The following GALNT8 variants were observed in gnomAD, a reference collection of about 807,000 sequenced individuals.
GALNT8 encodes polypeptide N-acetylgalactosaminyltransferase 8.
A neutral mutation model predicts 62.7 loss-of-function variants in GALNT8; 66 were observed. That is an observed-to-expected ratio of 1.05 (90% CI 0.86 to 1.29). The LOEUF is 1.29. Among genes scored for constraint, GALNT8 ranks in the 50% most tolerant of loss-of-function variants. The pLI is 0.00. For synonymous variants in GALNT8, 288 were observed against 294.3 expected (o/e 0.98, Z 0.22); for missense variants, 771 against 791.8 (o/e 0.97, Z 0.32).
rs536765773 is a variant in GALNT8, at chr12:4,767,875, G to A, written c.1761+2329G>A. Among the ~76,000 whole-genome samples, 17 of 152,312 alleles carry A rather than the reference G, an allele frequency of 1.1e-4. No homozygotes were observed. In the East Asian group the frequency reaches 3.3e-3, roughly 29 times the overall value. ...TAAAGCATTTAGCATGGTACTCGGTGCAAAGGAGTGTTCAAAGAATCATGG... is the reference window on the plus strand; with the variant it reads ...TAAAGCATTTAGCATGGTACTCGGTACAAAGGAGTGTTCAAAGAATCATGG... On this transcript the variant is annotated intron_variant, in intron 10 of 10. Coordinates refer to ENST00000252318, the MANE Select transcript of GALNT8 (RefSeq NM_017417.2).
chr12:4,739,260 A>G lies in GALNT8; in HGVS notation c.607A>G (p.Ser203Gly), dbSNP rs369783290. The G allele has an allele frequency of 1.9e-4, 312 of 1,613,676 alleles. 1 individual carries two copies. In the South Asian group the frequency reaches 3.3e-3, roughly 17 times the overall value. Residue 203 changes from serine to glycine, a missense_variant, in exon 3 of 11, where the codon AGT becomes GGT. Transcript: ENST00000252318. ...ALSIIQRAIT[S>G]IINRTPSRLL... ...GTCCATTATACAACGGGCCATCACC[A>G]GTATCATCAACCGGACGCCCTCTCG...
At position 4,739,346 on chromosome 12, in the gene GALNT8, A is replaced by G. The variant is rs748404575; in HGVS notation, c.676+17A>G. ...GCTCAAATGGTGAGCAACGTGATCAAAGAATAATTGTAAAAATGACCACTT... is the reference window on the plus strand; with the variant it reads ...GCTCAAATGGTGAGCAACGTGATCAGAGAATAATTGTAAAAATGACCACTT... On this transcript the variant is annotated intron_variant, in intron 3 of 10. Coordinates refer to ENST00000252318, the MANE Select transcript of GALNT8 (RefSeq NM_017417.2). 6.2e-7 allele frequency: 1 copy of G among 1,605,826 alleles called. No homozygotes were observed.
chr12:4,727,929 A>G (rs192158784), intron 2 of GALNT8, among the ~76,000 whole-genome samples: 5 of 152,314 alleles, frequency 3.3e-5, no homozygotes, highest in Non-Finnish European at 7.4e-5. Context: ...TTAGCCTTTC[A>G]AAGAACTGCC....
intron 10 of GALNT8, among the ~76,000 whole-genome samples, chr12:4,771,099 G>A (rs1217823462): frequency 6.6e-6 from 1 of 152,144 alleles, no homozygotes; most frequent in Admixed American, 6.5e-5. Flanking sequence ...TAGGAGTGTG[G>A]TGTTCTTGAC....
Position 4,760,943 on chromosome 12 carries a change from G to C in GALNT8, c.1174-15G>C. 1 of 1,606,990 alleles carries C rather than the reference G, an allele frequency of 6.2e-7. No homozygotes were observed. The highest frequency in any genetic ancestry group is 8.5e-7 in the Non-Finnish European group (1 of 1,176,448). On this transcript the variant is annotated splice_polypyrimidine_tract_variant and intron_variant, in intron 6 of 10. Transcript: ENST00000252318. ...GGCTGTGAAGCACGGGTGATTTTTT[G>C]GTCTTCTTCTGCAGGTGTGGCAGTG...
rs781249440 is a variant in GALNT8, at chr12:4,745,453, T to C, written c.885T>C (p.Ile295=). The C allele has an allele frequency of 3.1e-6, 5 of 1,612,632 alleles. No individual in the cohort carries two copies. The highest frequency in any genetic ancestry group is 4.2e-6 in the Non-Finnish European group (5 of 1,178,608). ...GGGCAGAGCCAATCTTGGCTCGGAT[T>C]CAGGAGGACCGCACTGTGATTGTGT... ...VGWAEPILAR[I]QEDRTVIVSP... is the part of the protein sequence containing the mutation. Residue 295 remains isoleucine (I), a synonymous_variant, in exon 5 of 11, where the codon ATT becomes ATC. Transcript: ENST00000252318.
intron 1 of GALNT8, among the ~76,000 whole-genome samples, chr12:4,721,216 T>C (rs1946166719): frequency 6.6e-6 from 1 of 152,160 alleles, no homozygotes; most frequent in African/African-American, 2.4e-5. Context: ...GCCATAGACC[T>C]GTCCTTAGGC....
chr12:4,727,989 T>C (rs1340322275), intron 2 of GALNT8, among the ~76,000 whole-genome samples: 1 of 152,200 alleles, frequency 6.6e-6, no homozygotes, highest in African/African-American at 2.4e-5. Context: ...TCAAGCAGTA[T>C]ATGAGAGTTC....
At chr12:4,740,505 C>G (rs1453518375) in intron 3 of GALNT8, among the ~76,000 whole-genome samples, 1 of 151,530 alleles carries the variant, frequency 6.6e-6, no homozygotes, top group Non-Finnish European at 1.5e-5. Context: ...CGCACTGCAG[C>G]CTCCACCTCC....
chr12:4,745,840 A>G (rs543684627), intron 5 of GALNT8, among the ~76,000 whole-genome samples: 1 of 152,332 alleles, frequency 6.6e-6, no homozygotes, highest in African/African-American at 2.4e-5. Flanking sequence ...ACTTTCAGAC[A>G]AAAATCAAGC....
At chr12:4,765,331 A>G (rs1591575481) in intron 9 of GALNT8, 48 bp from the exon 10 acceptor site, 1 of 1,459,240 alleles carries the variant, frequency 6.9e-7, no homozygotes, top group Non-Finnish European at 9.0e-7. Flanking sequence ...CTGGCTGACA[A>G]TGCCTATGGT....
intron 6 of GALNT8, among the ~76,000 whole-genome samples, chr12:4,746,501 A>G (rs529602041): frequency 8.3e-4 from 126 of 152,216 alleles, no homozygotes; most frequent in Non-Finnish European, 1.5e-3. Context: ...GATTGAATAG[A>G]TAGATGTCCC....
chr12:4,743,680 A>G (rs1946282359), intron 3 of GALNT8, among the ~76,000 whole-genome samples: 1 of 152,182 alleles, frequency 6.6e-6, no homozygotes, highest in South Asian at 2.1e-4. Flanking sequence ...TGACTTGGAA[A>G]AGTTTTTAAA....
chr12:4,724,148 C>CAAAA (rs11456593), intron 1 of GALNT8, among the ~76,000 whole-genome samples: 6 of 48,090 alleles, frequency 1.2e-4, no homozygotes, highest in Non-Finnish European at 1.4e-4. Flanking sequence ...GACTCCGTCT[C>CAAAA]AAAAAAAAAA....
chr12:4,758,678 T>G (rs73038851), intron 6 of GALNT8, among the ~76,000 whole-genome samples: 41 of 113,586 alleles, frequency 3.6e-4, no homozygotes, highest in African/African-American at 5.0e-4. Flanking sequence ...GAGAGAGAGA[T>G]GATGGAAGGA....
chr12:4,758,635 TGTGA>T lies in GALNT8; in HGVS notation c.1174-2321_1174-2318del, dbSNP rs58649745. On this transcript the variant is annotated intron_variant, in intron 6 of 10. Transcript: ENST00000252318. ...GTGTGTGTGTGTGTGTGTGTGTGTG[TGTGA>T]GAGAGAGAGAGAGAGAGAGAGAGAG... Among the ~76,000 whole-genome samples the T allele has an allele frequency of 3.3e-3, 156 of 47,318 alleles. No homozygotes were observed. The East Asian group carries it at 0.042, about 13-fold the overall frequency. The allele number at this position is 47,318 out of a possible 152,430, so 31.0% of individuals were successfully genotyped here.
chr12:4,736,717 C>G (rs1946246969), intron 2 of GALNT8, among the ~76,000 whole-genome samples: 1 of 151,902 alleles, frequency 6.6e-6, no homozygotes, highest in South Asian at 2.1e-4. Context: ...AACAACGAAG[C>G]AAATTACAAT....
At chr12:4,762,758 C>T (rs1946378639) in intron 7 of GALNT8, among the ~76,000 whole-genome samples, 1 of 152,246 alleles carries the variant, frequency 6.6e-6, no homozygotes, top group Admixed American at 6.5e-5. Flanking sequence ...TCCATACCCA[C>T]TGGTGGAGTG....
intron 10 of GALNT8, among the ~76,000 whole-genome samples, chr12:4,765,876 G>A (rs1946397812): frequency 6.6e-6 from 1 of 152,184 alleles, no homozygotes; most frequent in South Asian, 2.1e-4. Flanking sequence ...CCAGGTCCTG[G>A]TTCAAGCAAT....
Sources: gnomAD v4.1 joint callset for allele counts (sites outside exome capture counted in the v4.1 genomes callset) on GRCh38, gnomAD v4.1.1 for gene constraint, MANE v1.5 for transcripts, NCBI Gene and HGNC (gene_info 2026-07-23, HGNC 2026-07-21) for gene names.